SCAF11: variants seen among roughly 807,000 people sequenced by gnomAD.
SCAF11 encodes SR-related CTD associated factor 11, also known as protein SCAF11.
In SCAF11, 47 loss-of-function variants were observed where a neutral mutation model predicts 140.5. The ratio of observed to expected loss-of-function variants is 0.33; its 90% CI spans 0.26 to 0.43. The LOEUF (loss-of-function observed/expected upper bound fraction) is 0.43. Among genes scored for constraint, SCAF11 ranks in the 20% least tolerant of loss-of-function variants. The pLI is 1.00. For missense variants in SCAF11, 1,645 were observed against 1,705.1 expected, an observed-to-expected ratio of 0.96 and a Z score of 0.62; for synonymous variants, 557 against 579.4, an observed-to-expected ratio of 0.96 and a Z score of 0.55.
chr12:45,982,472 C>A (rs1000313861), intron 1 of SCAF11, among the ~76,000 whole-genome samples: 5 of 152,088 alleles, frequency 3.3e-5, no homozygotes, highest in Admixed American at 6.5e-5. Flanking sequence ...TTCAGGAGGC[C>A]AAGGCGGGCA....
chr12:45,944,486 AAATT>A (rs953493207), intron 6 of SCAF11, among the ~76,000 whole-genome samples: 3 of 152,364 alleles, frequency 2.0e-5, no homozygotes, highest in East Asian at 3.8e-4. Flanking sequence ...TTAAAACAAT[AAATT>A]AATTCTTTCA....
chr12:45,941,125 T>C (rs1043465617), intron 6 of SCAF11, among the ~76,000 whole-genome samples: 1 of 152,162 alleles, frequency 6.6e-6, no homozygotes, highest in Non-Finnish European at 1.5e-5. Context: ...CAAGCATAAA[T>C]AAACATATAT....
chr12:45,929,290 T>A (rs1290975074), intron 10 of SCAF11: 1 of 154,218 alleles, frequency 6.5e-6, no homozygotes, highest in Admixed American at 6.5e-5. Flanking sequence ...CCCAGGTAGC[T>A]GGGACTACAG....
At chr12:45,952,327 CAT>C (rs1322438638) in intron 3 of SCAF11, among the ~76,000 whole-genome samples, 4 of 152,114 alleles carry the variant, frequency 2.6e-5, no homozygotes, top group Non-Finnish European at 5.9e-5. Flanking sequence ...AAGATTGATT[CAT>C]ATTAGTAATT....
At chr12:45,982,608 G>A (rs1332560776) in intron 1 of SCAF11, among the ~76,000 whole-genome samples, 3 of 152,134 alleles carry the variant, frequency 2.0e-5, no homozygotes, top group Admixed American at 6.5e-5. Flanking sequence ...AGGAGACTGA[G>A]GCAGGAGAAT....
rs1945122427 is a variant in SCAF11 at position 45,934,339 on chromosome 12, T to C, written c.523-54A>G. On this transcript the variant is annotated intron_variant, in intron 7 of 14. Transcript: ENST00000369367. ...CAGCAAATAAATAACAGGTAAATAA[T>C]AGTTATACTTAAATATTTTGATACA... 35 of 1,377,240 alleles carry C rather than the reference T, an allele frequency of 2.5e-5. No individual in the cohort carries two copies. The South Asian group carries it at 2.6e-4, about 10-fold the overall frequency. 85.3% of individuals were successfully genotyped at this position (1,377,240 alleles called of 1,614,324 possible).
At position 45,928,839 on chromosome 12, in the gene SCAF11, C is replaced by T. The variant is rs370914168; in HGVS notation, c.862G>A (p.Ala288Thr). 58 of 1,567,684 alleles carry T rather than the reference C, an allele frequency of 3.7e-5. No homozygotes were observed. Among genetic ancestry groups the T allele is most frequent in the Non-Finnish European group, 4.9e-5 (57 of 1,160,862 alleles). ...TCCCCTTCTTGAGTATGTGCTAATG[C>T]ATATCCCTTGCAAGAAGTACCTAAT... ...EHFGTSCKGY[A>T]LAHTQEGEEK... is the part of the protein sequence containing the mutation. The change falls in exon 11 of 15, where the codon GCA becomes ACA. Residue 288 changes from alanine (A) to threonine (T), a missense_variant. Ala to Thr is a moderately conservative substitution (Grantham distance 58, BLOSUM62 0). Coordinates refer to ENST00000369367, the MANE Select transcript of SCAF11 (RefSeq NM_004719.3).
chr12:45,973,815 C>T (rs1282413245), intron 1 of SCAF11, among the ~76,000 whole-genome samples: 2 of 152,064 alleles, frequency 1.3e-5, no homozygotes, highest in African/African-American at 2.4e-5. Flanking sequence ...GATGAGAATT[C>T]TTTTCCAGCT....
At chr12:45,982,290 A>G (rs1169047467) in intron 1 of SCAF11, among the ~76,000 whole-genome samples, 2 of 152,222 alleles carry the variant, frequency 1.3e-5, no homozygotes, top group Non-Finnish European at 2.9e-5. Context: ...CAGGTGAGTG[A>G]TAGCTTATAA....
intron 1 of SCAF11, among the ~76,000 whole-genome samples, chr12:45,970,619 C>A (rs1475807244): frequency 1.3e-4 from 20 of 152,222 alleles, no homozygotes. Flanking sequence ...TTATCAGTGA[C>A]CTGATTGCTT....
intron 3 of SCAF11, among the ~76,000 whole-genome samples, chr12:45,952,545 T>A (rs1045799282): frequency 6.6e-6 from 1 of 152,214 alleles, no homozygotes; most frequent in African/African-American, 2.4e-5. Context: ...GCTCTTTATT[T>A]ATTAAGGAAA....
intron 4 of SCAF11, among the ~76,000 whole-genome samples, chr12:45,949,847 C>T (rs1945510301): frequency 6.6e-6 from 1 of 152,126 alleles, no homozygotes; most frequent in African/African-American, 2.4e-5. Context: ...ATTTTAGAAG[C>T]ATCCAAATAT....
chr12:45,921,816 A>T lies in SCAF11; in HGVS notation c.*232T>A. On this transcript the variant is annotated 3_prime_UTR_variant, in exon 15 of 15. Coordinates refer to ENST00000369367, the MANE Select transcript of SCAF11 (RefSeq NM_004719.3). Reference sequence around the variant, plus strand: ...CTAGTAAAGATGCACATTCCTTTAAACCCTTTACTTTCCCTTGAATTTTGT... The same window carrying T: ...CTAGTAAAGATGCACATTCCTTTAATCCCTTTACTTTCCCTTGAATTTTGT... 2.1e-6 allele frequency: 1 copy of T among 484,478 alleles called. No individual in the cohort carries two copies. 30.0% of individuals were successfully genotyped at this position (484,478 alleles called of 1,614,324 possible).
At chr12:45,959,840 C>T (rs1945783226) in intron 3 of SCAF11, among the ~76,000 whole-genome samples, 1 of 152,124 alleles carries the variant, frequency 6.6e-6, no homozygotes, top group African/African-American at 2.4e-5. Flanking sequence ...CCATCAGGGA[C>T]AACGAAATAA....
rs200691448 is a variant in SCAF11 at position 45,924,737 on chromosome 12, C to T, written c.3897G>A (p.Lys1299=). Residue 1299 remains lysine, a synonymous_variant, in exon 12 of 15, where the codon AAG becomes AAA. Transcript: ENST00000369367. ...GTTGCTAAAAACATACCTGCAATTG[C>T]TTTCCATCTGGTTGTGAAGCAATGT... The part of the protein sequence containing the change: ...VNYIASQPDG[K]QLQGIPSSSH... 1,131 of 1,585,914 alleles carry T rather than the reference C, an allele frequency of 7.1e-4. 15 individuals carry two copies. The South Asian group carries it at 0.011, about 16-fold the overall frequency.
chr12:45,972,585 T>TAAA (rs76785973), intron 1 of SCAF11, among the ~76,000 whole-genome samples: 5 of 107,660 alleles, frequency 4.6e-5, no homozygotes, highest in East Asian at 5.0e-4. Context: ...CCCTGTCTCT[T>TAAA]AAAAAAAAAA....
At position 45,990,404 on chromosome 12, in the gene SCAF11, C is replaced by A. The variant is rs1946569385; in HGVS notation, c.-73G>T. ...CCGGCCGCGGCCCCACAGTAGGTTC[C>A]CAGGTCCCAGTCACTCCGCTGCCAA... On this transcript the variant is annotated 5_prime_UTR_variant, in exon 1 of 15. Coordinates refer to ENST00000369367, the MANE Select transcript of SCAF11 (RefSeq NM_004719.3). 8.1e-7 allele frequency: 1 copy of A among 1,232,396 alleles called. No individual in the cohort carries two copies. Among genetic ancestry groups the A allele is most frequent in the Non-Finnish European group, 1.0e-6 (1 of 988,648 alleles). 76.3% of individuals were successfully genotyped at this position (1,232,396 alleles called of 1,614,324 possible).
At chr12:45,943,971 T>C (rs991960874) in intron 6 of SCAF11, among the ~76,000 whole-genome samples, 17 of 152,290 alleles carry the variant, frequency 1.1e-4, no homozygotes, top group African/African-American at 3.4e-4. Context: ...AGCTTTACTA[T>C]ACTGAAGCAT....
At chr12:45,970,636 A>G (rs1420667580) in intron 1 of SCAF11, among the ~76,000 whole-genome samples, 1 of 152,246 alleles carries the variant, frequency 6.6e-6, no homozygotes, top group Non-Finnish European at 1.5e-5. Flanking sequence ...GCTTGTTAGC[A>G]GTTGATCAAC....
Sources: gnomAD v4.1 joint callset for allele counts (sites outside exome capture counted in the v4.1 genomes callset) on GRCh38, gnomAD v4.1.1 for gene constraint, MANE v1.5 for transcripts, NCBI Gene and HGNC (gene_info 2026-07-23, HGNC 2026-07-21) for gene names.